The following OR3A2 variants were observed in gnomAD, a reference collection of about 807,000 sequenced individuals.
OR3A2 encodes olfactory receptor family 3 subfamily A member 2, also known as olfactory receptor 3A2.
For missense variants in OR3A2, 318 were observed against 392.8 expected (o/e 0.81, Z 1.61); for synonymous variants, 126 against 159.3 (o/e 0.79, Z 1.57).
chr17:3,348,574 G>T (rs1182363154), intron 2 of OR3A2, among the ~76,000 whole-genome samples: 1 of 152,124 alleles, frequency 6.6e-6, no homozygotes, highest in African/African-American at 2.4e-5. Context: ...TGAAAGTGAC[G>T]GGGAGAATGG....
At chr17:3,349,861 AC>A (rs1454449029) in intron 2 of OR3A2, among the ~76,000 whole-genome samples, 1 of 152,134 alleles carries the variant, frequency 6.6e-6, no homozygotes, top group African/African-American at 2.4e-5. Context: ...TCAAACTAGA[AC>A]TCATGATTAA....
At chr17:3,307,196 C>T (rs963010539) in intron 3 of OR3A2, among the ~76,000 whole-genome samples, 1 of 152,328 alleles carries the variant, frequency 6.6e-6, no homozygotes. Flanking sequence ...TAGGCAGTTT[C>T]TGGAAAGGAG....
intron 3 of OR3A2, among the ~76,000 whole-genome samples, chr17:3,309,451 G>A (rs949193884): frequency 6.6e-6 from 1 of 152,146 alleles, no homozygotes; most frequent in African/African-American, 2.4e-5. Flanking sequence ...CTCTATTTGT[G>A]TGAGAGTTCA....
At chr17:3,323,153 T>C (rs1705855569) in intron 3 of OR3A2, among the ~76,000 whole-genome samples, 1 of 152,166 alleles carries the variant, frequency 6.6e-6, no homozygotes, top group African/African-American at 2.4e-5. Flanking sequence ...TCTTTGTTGG[T>C]TTAAAGTCTG....
At position 3,311,073 on chromosome 17, in the gene OR3A2, TA is replaced by T. The variant is rs765247703; in HGVS notation, c.-85+24959del. 1.5e-5 allele frequency: 8 copies of T among 545,350 alleles called. No homozygotes were observed. The highest frequency in any genetic ancestry group is 3.0e-5 in the Non-Finnish European group (8 of 267,314). 33.8% of individuals were successfully genotyped at this position (545,350 alleles called of 1,614,324 possible). A position where few individuals can be genotyped will look rare whatever the true frequency, so the allele number is the denominator to read the frequency against. ...CCACCTCACTGTGGTGGGCATCTTC[TA>T]TGGGACGGGCGTCTTCAGCTACACA... On this transcript the variant is annotated intron_variant, in intron 3 of 4. Coordinates refer to the OR3A2 transcript ENST00000573491. This position sits in a 1 kb window ranked among gnomAD's most constrained non-coding sequence, Gnocchi z 4.6.
chr17:3,335,359 G>C (rs1307758222), intron 3 of OR3A2, among the ~76,000 whole-genome samples: 1 of 151,858 alleles, frequency 6.6e-6, no homozygotes, highest in East Asian at 1.9e-4. Context: ...TTGTATGCCT[G>C]GAATATTAAT....
rs537425185 is a variant in OR3A2, at chr17:3,302,670, G to T, written c.-84-23517C>A. The stretch of plus-strand genomic sequence containing the variant: ...TCCGTTCCTAATTAGAGACCCAAAA[G>T]AAATTCTTGCACATGTACAATCCTA... On this transcript the variant is annotated intron_variant, in intron 3 of 4. Transcript: ENST00000573491. Among the ~76,000 whole-genome samples, 6 of 152,332 alleles carry T rather than the reference G, an allele frequency of 3.9e-5. No individual in the cohort carries two copies. In the South Asian group the frequency reaches 8.3e-4, roughly 21 times the overall value.
intron 2 of OR3A2, among the ~76,000 whole-genome samples, chr17:3,356,027 C>A (rs529725054): frequency 6.6e-6 from 1 of 151,228 alleles, no homozygotes; most frequent in South Asian, 2.1e-4. Context: ...ATGAGGCTAG[C>A]AAATACTGTC....
intron 2 of OR3A2, among the ~76,000 whole-genome samples, chr17:3,372,272 C>T (rs1334366327): frequency 9.5e-5 from 14 of 146,874 alleles, no homozygotes; most frequent in Admixed American, 4.0e-4. Flanking sequence ...GGATGGCGGC[C>T]GGGAAGAGGC....
chr17:3,314,486 G>T (rs1428383756), intron 3 of OR3A2, among the ~76,000 whole-genome samples: 1 of 138,720 alleles, frequency 7.2e-6, no homozygotes, highest in Non-Finnish European at 1.6e-5. Flanking sequence ...AATTGAGAAA[G>T]TGATGATGAT....
chr17:3,349,445 A>C (rs933342039), intron 2 of OR3A2, among the ~76,000 whole-genome samples: 4 of 151,822 alleles, frequency 2.6e-5, no homozygotes, highest in African/African-American at 9.7e-5. Flanking sequence ...AGGCCATTAC[A>C]TAATGGTAAA....
chr17:3,374,767 A>T (rs1334805534), intron 2 of OR3A2, among the ~76,000 whole-genome samples: 1 of 152,290 alleles, frequency 6.6e-6, no homozygotes, highest in African/African-American at 2.4e-5. Flanking sequence ...CTCACGAATA[A>T]GTTCTTTAGT....
chr17:3,374,940 ATGAG>A (rs2049666750), intron 2 of OR3A2, among the ~76,000 whole-genome samples: 1 of 151,784 alleles, frequency 6.6e-6, no homozygotes, highest in Admixed American at 6.6e-5. Flanking sequence ...GCTCTCACTT[ATGAG>A]TGGGAACATA....
Position 3,369,899 on chromosome 17 carries a change from G to A in OR3A2, c.-179+13905C>T, listed in dbSNP as rs559291763. 7.3e-5 allele frequency among the ~76,000 whole-genome samples: 11 copies of A among 151,136 alleles called. No individual in the cohort carries two copies. The South Asian group carries it at 2.3e-3, about 31-fold the overall frequency. ...GCTCACTGCAACCTCTGCTTCACAGGTCCAAGCTATCCTCCCACCTTAGCC... is the reference window on the plus strand; with the variant it reads ...GCTCACTGCAACCTCTGCTTCACAGATCCAAGCTATCCTCCCACCTTAGCC... On this transcript the variant is annotated intron_variant, in intron 2 of 4. Coordinates refer to the OR3A2 transcript ENST00000573491.
At chr17:3,360,751 G>A (rs987435643) in intron 2 of OR3A2, among the ~76,000 whole-genome samples, 2 of 151,476 alleles carry the variant, frequency 1.3e-5, no homozygotes, top group African/African-American at 2.4e-5. Context: ...TGTTTCTGAG[G>A]GCTCTGTTCT....
chr17:3,301,833 T>G (rs963713886), intron 3 of OR3A2, among the ~76,000 whole-genome samples: 6 of 152,196 alleles, frequency 3.9e-5, no homozygotes, highest in African/African-American at 1.2e-4. Flanking sequence ...GGTCTAACAT[T>G]TAAGTCTTTA....
intron 3 of OR3A2, chr17:3,292,068 C>G (rs775969454): frequency 3.1e-6 from 5 of 1,614,192 alleles, no homozygotes; most frequent in Non-Finnish European, 4.2e-6. Flanking sequence ...ATTGGGGCCA[C>G]AGAAGTTGAG....
At chr17:3,348,675 G>C (rs2150652180) in intron 2 of OR3A2, among the ~76,000 whole-genome samples, 1 of 152,002 alleles carries the variant, frequency 6.6e-6, no homozygotes, top group East Asian at 1.9e-4. Context: ...AGGAAATACA[G>C]ACAACACCAC....
chr17:3,347,922 T>C (rs1015264084), intron 2 of OR3A2, among the ~76,000 whole-genome samples: 1 of 152,240 alleles, frequency 6.6e-6, no homozygotes, highest in Non-Finnish European at 1.5e-5. Flanking sequence ...TCCTGACTTT[T>C]TAATGATTGC....
Sources: allele counts gnomAD v4.1 joint callset (sites outside exome capture counted in the v4.1 genomes callset), GRCh38; gene constraint gnomAD v4.1.1; non-coding constraint Gnocchi (gnomAD v3.1); transcripts MANE v1.5; gene names NCBI Gene and HGNC (gene_info 2026-07-23, HGNC 2026-07-21).